CDC42BPA: variants seen among roughly 807,000 people sequenced by gnomAD.
The protein encoded by CDC42BPA is serine/threonine-protein kinase MRCK alpha.
A neutral mutation model predicts 223.5 loss-of-function variants in CDC42BPA; 80 were observed. That is an observed-to-expected ratio of 0.36 (90% confidence interval 0.30 to 0.43). The LOEUF (loss-of-function observed/expected upper bound fraction) is 0.43, where lower values mean the gene tolerates loss of function less well. Among genes scored for constraint, CDC42BPA ranks in the 20% least tolerant of loss-of-function variants. The pLI is 1.00. For synonymous variants in CDC42BPA, 694 were observed against 718.6 expected, an observed-to-expected ratio of 0.97 and a Z score of 0.55; for missense variants, 1,743 against 2,099.9, an observed-to-expected ratio of 0.83 and a Z score of 3.32.
At chr1:227,223,223 T>C (rs1676256552) in intron 2 of CDC42BPA, among the ~76,000 whole-genome samples, 1 of 152,050 alleles carries the variant, frequency 6.6e-6, no homozygotes. Context: ...TGGGATAGTT[T>C]GGGAAGTAGG....
intron 5 of CDC42BPA, among the ~76,000 whole-genome samples, chr1:227,164,591 A>C (rs951679443): frequency 2.0e-5 from 3 of 151,000 alleles, no homozygotes; most frequent in African/African-American, 7.3e-5. Context: ...ACTTGAGCCC[A>C]GGAGTTCAAA....
chr1:227,231,247 C>A (rs369024582), intron 2 of CDC42BPA, among the ~76,000 whole-genome samples: 66 of 150,096 alleles, frequency 4.4e-4, no homozygotes, highest in African/African-American at 1.6e-3. Flanking sequence ...TGTTTTCTGT[C>A]CTTGCAATAA....
chr1:227,179,659 A>AGG (rs1553379787), intron 5 of CDC42BPA, among the ~76,000 whole-genome samples: 1 of 146,890 alleles, frequency 6.8e-6, no homozygotes, highest in African/African-American at 2.6e-5. Flanking sequence ...AAAAAAAAAA[A>AGG]AGCTATTTTA....
intron 2 of CDC42BPA, among the ~76,000 whole-genome samples, chr1:227,230,813 TTTC>T (rs1438010081): frequency 4.0e-5 from 2 of 49,800 alleles, no homozygotes; most frequent in Non-Finnish European, 7.4e-5. Flanking sequence ...TTCTTTTTTC[TTTC>T]TTTCTTTTTT....
intron 21 of CDC42BPA, among the ~76,000 whole-genome samples, chr1:227,066,469 T>C (rs542434477): frequency 1.8e-4 from 27 of 152,262 alleles, no homozygotes; most frequent in Non-Finnish European, 3.2e-4. Context: ...TTGAGCGTTA[T>C]GCGAAATATC....
At chr1:227,266,353 T>A (rs2148419242) in intron 1 of CDC42BPA, among the ~76,000 whole-genome samples, 1 of 152,306 alleles carries the variant, frequency 6.6e-6, no homozygotes, top group South Asian at 2.1e-4. Context: ...GATACGCTCT[T>A]TTAGGAGCTG....
intron 1 of CDC42BPA, among the ~76,000 whole-genome samples, chr1:227,261,486 AAC>A (rs1394394093): frequency 6.6e-6 from 1 of 150,844 alleles, no homozygotes; most frequent in Non-Finnish European, 1.5e-5. Flanking sequence ...AGTAAGCAGT[AAC>A]ACAGACCCAC....
At chr1:227,220,927 C>A (rs1230820515) in intron 2 of CDC42BPA, among the ~76,000 whole-genome samples, 1 of 152,182 alleles carries the variant, frequency 6.6e-6, no homozygotes, top group Non-Finnish European at 1.5e-5. Context: ...ACTGATACCA[C>A]ATCCCTTTCC....
At chr1:227,159,171 A>C (rs541002814) in intron 6 of CDC42BPA, among the ~76,000 whole-genome samples, 5 of 152,254 alleles carry the variant, frequency 3.3e-5, no homozygotes, top group Middle Eastern at 3.4e-3. Flanking sequence ...TCTTTTTAAC[A>C]AAGTTATCAC....
chr1:227,112,765 T>C lies in CDC42BPA; in HGVS notation c.1796A>G (p.His599Arg). The C allele has an allele frequency of 1.2e-6, 2 of 1,614,110 alleles. No individual in the cohort carries two copies. Among genetic ancestry groups the C allele is most frequent in the Middle Eastern group, 1.6e-4 (1 of 6,062 alleles). ...LHTQKQKLAR[H>R]VRDKEEEVDL... ...CACCTCTTCTTCCTTATCTCGGACA[T>C]GGCGAGCAAGTTTCTGTTTTTGGGT... The change falls in exon 13 of 37, where the codon CAT (histidine) becomes CGT (arginine). Residue 599 changes from histidine (H) to arginine (R), a missense_variant. Physicochemically the swap from His to Arg is conservative, Grantham distance 29. Coordinates refer to ENST00000366766, the MANE Select transcript of CDC42BPA (RefSeq NM_001394014.1).
At chr1:227,241,841 T>C (rs1049744851) in intron 2 of CDC42BPA, among the ~76,000 whole-genome samples, 3 of 152,152 alleles carry the variant, frequency 2.0e-5, no homozygotes, top group Non-Finnish European at 4.4e-5. Flanking sequence ...CAAAAAGATT[T>C]TGTGCTCCTT....
At chr1:227,072,405 A>AATT in intron 19 of CDC42BPA, 106 bp from the exon 20 acceptor site, 1 of 640,228 alleles carries the variant, frequency 1.6e-6, no homozygotes, top group African/African-American at 1.8e-5. Context: ...AGGCATGGTA[A>AATT]ATTAGGGGAC....
chr1:227,145,578 G>T lies in CDC42BPA; in HGVS notation c.1054C>A (p.Arg352=), dbSNP rs971317496. 9 of 1,613,356 alleles carry T rather than the reference G, an allele frequency of 5.6e-6. No individual in the cohort carries two copies. The highest frequency in any genetic ancestry group is 5.3e-5 in the African/African-American group (4 of 74,864). Reference sequence around the variant, plus strand: ...GGAATATAAGGTGCTTCACAGTTCCGAATATTATCCCAATCAATTCCACTG... The same window carrying T: ...GGAATATAAGGTGCTTCACAGTTCCTAATATTATCCCAATCAATTCCACTG... ...FFSGIDWDNI[R]NCEAPYIPEV... is the part of the protein sequence containing the mutation. The change falls in exon 8 of 37, where the codon CGG becomes AGG. Residue 352 remains arginine (R), a synonymous_variant. Transcript: ENST00000366766.
chr1:227,197,984 CA>C (rs1390619533), intron 4 of CDC42BPA, among the ~76,000 whole-genome samples: 4 of 152,092 alleles, frequency 2.6e-5, no homozygotes, highest in Non-Finnish European at 5.9e-5. Context: ...CTAGCACATA[CA>C]AAAAACTCTA....
rs192626168 is a variant in CDC42BPA, at chr1:227,010,637, G to A, written c.4857+5443C>T. The stretch of plus-strand genomic sequence containing the variant: ...ATCTTTAATACTGTGTTTCAAAAAT[G>A]AAAATTGAAATCTTCCCTATTCCTC... On this transcript the variant is annotated intron_variant, in intron 34 of 36. Coordinates refer to ENST00000366766, the MANE Select transcript of CDC42BPA (RefSeq NM_001394014.1). Among the ~76,000 whole-genome samples, 215 of 152,258 alleles carry A rather than the reference G, an allele frequency of 1.4e-3. 1 individual carries two copies. Among genetic ancestry groups the A allele is most frequent in the African/African-American group, 4.8e-3 (200 of 41,552 alleles).
At chr1:227,066,232 T>C (rs139588489) in intron 21 of CDC42BPA, among the ~76,000 whole-genome samples, 281 of 151,888 alleles carry the variant, frequency 1.9e-3, no homozygotes, top group South Asian at 4.2e-3. Context: ...CTACTAAAAA[T>C]ACAAAAATTA....
chr1:227,313,411 TATA>T (rs1573029650), intron 1 of CDC42BPA, among the ~76,000 whole-genome samples: 2 of 152,164 alleles, frequency 1.3e-5, no homozygotes, highest in African/African-American at 4.8e-5. Context: ...ACAGAAATGT[TATA>T]ATAATAGCCA....
At chr1:227,026,010 C>T in intron 31 of CDC42BPA, 45 bp downstream of exon 31, 1 of 1,024,950 alleles carries the variant, frequency 9.8e-7, no homozygotes, top group Non-Finnish European at 1.5e-6. Flanking sequence ...TTAGTGTTTT[C>T]ACTTATACTC....
intron 1 of CDC42BPA, among the ~76,000 whole-genome samples, chr1:227,256,435 T>G (rs765556870): frequency 6.6e-6 from 1 of 152,060 alleles, no homozygotes; most frequent in Non-Finnish European, 1.5e-5. Context: ...TGTATACCTA[T>G]GTAACAAACC....
Sources: allele counts gnomAD v4.1 joint callset (sites outside exome capture counted in the v4.1 genomes callset), GRCh38; gene constraint gnomAD v4.1.1; transcripts MANE v1.5; gene names NCBI Gene and HGNC (gene_info 2026-07-23, HGNC 2026-07-21).